SHC3: variants seen among roughly 807,000 people sequenced by gnomAD.
The protein encoded by SHC3 is SHC adaptor protein 3.
Under a neutral mutation model 60.4 loss-of-function variants are expected in SHC3, and 15 were observed. The ratio of observed to expected loss-of-function variants is 0.25; its 90% CI spans 0.17 to 0.38. The LOEUF (loss-of-function observed/expected upper bound fraction) is 0.38, where lower values mean the gene tolerates loss of function less well. Among genes scored for constraint, SHC3 ranks in the 10% least tolerant of loss-of-function variants. The pLI is 1.00. For missense variants in SHC3, 677 were observed against 786.1 expected, an observed-to-expected ratio of 0.86 and a Z score of 1.66; for synonymous variants, 294 against 325.9, an observed-to-expected ratio of 0.90 and a Z score of 1.05.
intron 9 of SHC3, among the ~76,000 whole-genome samples, chr9:89,044,174 A>G (rs183809638): frequency 1.3e-5 from 2 of 152,370 alleles, no homozygotes; most frequent in East Asian, 3.9e-4. Context: ...AGCAGTTATT[A>G]TATGTCTATG....
chr9:89,080,089 T>C (rs1825420576), intron 2 of SHC3, among the ~76,000 whole-genome samples: 1 of 152,260 alleles, frequency 6.6e-6, no homozygotes, highest in Admixed American at 6.5e-5. Context: ...AATCTAATTT[T>C]AAATGTAACT....
In SHC3 at chr9:89,008,016, T is replaced by TCAAC. The variant is rs1825965700; in HGVS notation, c.*5430_*5431insGTTG. ...ACAACACAGAGCCAATCTGCGTGTG[T>TCAAC]ACAGAGATGCAGATCCGTTTTTAAT... On this transcript the variant is annotated 3_prime_UTR_variant, in exon 12 of 12. Coordinates refer to ENST00000375835, the MANE Select transcript of SHC3 (RefSeq NM_016848.6). 2.0e-5 allele frequency: 3 copies of TCAAC among 152,244 alleles called. No individual in the cohort carries two copies. The highest frequency in any genetic ancestry group is 4.4e-5 in the Non-Finnish European group (3 of 68,054). 9.4% of individuals were successfully genotyped at this position (152,244 alleles called of 1,614,324 possible).
chr9:89,051,933 GA>G (rs1191381530), intron 7 of SHC3, 103 bp downstream of exon 7: 41 of 1,507,716 alleles, frequency 2.7e-5, no homozygotes, highest in Non-Finnish European at 3.4e-5. Flanking sequence ...GAAGCCCTGT[GA>G]TTAATTGTGC....
At chr9:89,174,903 G>A (rs896614420) in intron 1 of SHC3, among the ~76,000 whole-genome samples, 1 of 152,332 alleles carries the variant, frequency 6.6e-6, no homozygotes, top group Non-Finnish European at 1.5e-5. Flanking sequence ...TGGATCTGAG[G>A]ACAGAGAAGG....
intron 2 of SHC3, among the ~76,000 whole-genome samples, chr9:89,079,751 C>T (rs1056336055): frequency 3.9e-5 from 6 of 152,178 alleles, no homozygotes; most frequent in African/African-American, 1.4e-4. Flanking sequence ...TCACACAGAA[C>T]AGAATGCACA....
At chr9:89,073,838 C>T (rs17054712) in intron 4 of SHC3, among the ~76,000 whole-genome samples, 4,431 of 152,234 alleles carry the variant, frequency 0.029, 229 homozygotes, top group African/African-American at 0.1. Context: ...GGAACAGCTC[C>T]GGGCATGAAG....
intron 1 of SHC3, among the ~76,000 whole-genome samples, chr9:89,156,409 T>C (rs550667956): frequency 6.6e-6 from 1 of 152,222 alleles, no homozygotes; most frequent in Admixed American, 6.5e-5. Flanking sequence ...ACATCATAGA[T>C]ATGATTAAGT....
At chr9:89,139,592 T>C (rs754843661) in intron 1 of SHC3, among the ~76,000 whole-genome samples, 1 of 152,178 alleles carries the variant, frequency 6.6e-6, no homozygotes, top group Admixed American at 6.5e-5. Flanking sequence ...CCAAGATAAC[T>C]TGGGGCTCCT....
Position 89,009,941 on chromosome 9 carries a change from C to A in SHC3, c.*3506G>T, listed in dbSNP as rs570285387. On this transcript the variant is annotated 3_prime_UTR_variant, in exon 12 of 12. Transcript: ENST00000375835. ...CCCAGCACCAGACATGGAGGTTGGG[C>A]TGGACACACATGTCCACTGTTCCCC... 1 of 152,284 alleles carries A rather than the reference C, an allele frequency of 6.6e-6. No homozygotes were observed. Among genetic ancestry groups the A allele is most frequent in the Non-Finnish European group, 1.5e-5 (1 of 68,064 alleles). 9.4% of individuals were successfully genotyped at this position (152,284 alleles called of 1,614,324 possible).
chr9:89,029,146 G>A (rs1001956961), intron 11 of SHC3, among the ~76,000 whole-genome samples: 2 of 151,548 alleles, frequency 1.3e-5, no homozygotes, highest in Non-Finnish European at 2.9e-5. Context: ...CAAGAGACAA[G>A]GTCAATCCAG....
chr9:89,122,907 G>T (rs1362436951), intron 1 of SHC3, among the ~76,000 whole-genome samples: 1 of 152,200 alleles, frequency 6.6e-6, no homozygotes, highest in Non-Finnish European at 1.5e-5. Flanking sequence ...TATGGCGCCA[G>T]CTTTTGTGAA....
In SHC3 at chr9:89,052,099, G is replaced by A. The variant is rs1249801338; in HGVS notation, c.900C>T (p.Ala300=). 1.2e-6 allele frequency: 2 copies of A among 1,614,126 alleles called. No individual in the cohort carries two copies. The highest frequency in any genetic ancestry group is 1.7e-6 in the Non-Finnish European group (2 of 1,180,006). ...AATATTGCTTAAACCGGAGCTCAAAGGCTTGTCCGATGGAGCCGATGACAT... is the reference window on the plus strand; with the variant it reads ...AATATTGCTTAAACCGGAGCTCAAAAGCTTGTCCGATGGAGCCGATGACAT... ...AQDVIGSIGQ[A]FELRFKQYLQ... The change falls in exon 7 of 12, where the codon GCC becomes GCT. Residue 300 remains alanine (A), a synonymous_variant. Transcript: ENST00000375835.
intron 2 of SHC3, among the ~76,000 whole-genome samples, chr9:89,086,901 G>A (rs527730794): frequency 3.9e-5 from 6 of 152,256 alleles, no homozygotes; most frequent in East Asian, 1.9e-4. Context: ...TCTTTCAGTC[G>A]TTGGGGGCAC....
intron 1 of SHC3, among the ~76,000 whole-genome samples, chr9:89,131,080 C>T (rs1268885899): frequency 6.6e-6 from 1 of 152,100 alleles, no homozygotes; most frequent in Non-Finnish European, 1.5e-5. Context: ...GGGGATATCA[C>T]CACCTATCCC....
chr9:89,103,664 C>T (rs1418987187), intron 2 of SHC3, among the ~76,000 whole-genome samples: 1 of 152,236 alleles, frequency 6.6e-6, no homozygotes, highest in Non-Finnish European at 1.5e-5. Flanking sequence ...TATTTGTCAA[C>T]ATGTTTGAGC....
chr9:89,113,618 T>C (rs1192185178), intron 1 of SHC3, among the ~76,000 whole-genome samples: 2 of 152,236 alleles, frequency 1.3e-5, no homozygotes, highest in Admixed American at 1.3e-4. Context: ...ATGTGATTAT[T>C]ACTCCCACCA....
intron 1 of SHC3, among the ~76,000 whole-genome samples, chr9:89,128,590 C>T (rs557925901): frequency 1.5e-4 from 23 of 152,174 alleles, no homozygotes; most frequent in Non-Finnish European, 2.1e-4. Flanking sequence ...TGCTGTTCTG[C>T]AATATTTGCT....
chr9:89,026,835 CCT>C (rs1443199890), intron 11 of SHC3, among the ~76,000 whole-genome samples: 1 of 152,188 alleles, frequency 6.6e-6, no homozygotes, highest in East Asian at 1.9e-4. Flanking sequence ...TTGGACAAGT[CCT>C]CTCTTTCATG....
intron 1 of SHC3, among the ~76,000 whole-genome samples, chr9:89,132,376 C>T (rs764751220): frequency 1.3e-4 from 20 of 152,246 alleles, no homozygotes; most frequent in Non-Finnish European, 1.9e-4. Flanking sequence ...ATCAAGCTAT[C>T]GACGACTTTC....
Sources: allele counts gnomAD v4.1 joint callset (sites outside exome capture counted in the v4.1 genomes callset), GRCh38; gene constraint gnomAD v4.1.1; transcripts MANE v1.5; gene names NCBI Gene and HGNC (gene_info 2026-07-23, HGNC 2026-07-21).